Variants in NELL2 observed in about 807,000 individuals in gnomAD.
NELL2 encodes protein kinase C-binding protein NELL2.
A neutral mutation model predicts 109.6 loss-of-function variants in NELL2; 41 were observed. The ratio of observed to expected loss-of-function variants is 0.37; its 90% CI spans 0.29 to 0.49. The LOEUF (loss-of-function observed/expected upper bound fraction) is 0.49. Among genes scored for constraint, NELL2 ranks in the 20% least tolerant of loss-of-function variants. The pLI is 0.98. For synonymous variants in NELL2, 355 were observed against 344.7 expected, an observed-to-expected ratio of 1.03 and a Z score of -0.33; for missense variants, 900 against 1,008.3, an observed-to-expected ratio of 0.89 and a Z score of 1.45.
Position 44,522,185 on chromosome 12 carries a change from A to G in NELL2, c.1999-9T>C, listed in dbSNP as rs746851324. 22 of 1,610,268 alleles carry G rather than the reference A, an allele frequency of 1.4e-5. No homozygotes were observed. Among genetic ancestry groups the G allele is most frequent in the Admixed American group, 1.7e-5 (1 of 59,268 alleles). On this transcript the variant is annotated splice_polypyrimidine_tract_variant and intron_variant, in intron 17 of 19. Transcript: ENST00000429094. Reference sequence around the variant, plus strand: ...CACATAACGAATCCATTCTGTATGAAAAAGAAAAAAAGCAGTTACCAAAAA... The same window carrying G: ...CACATAACGAATCCATTCTGTATGAGAAAGAAAAAAAGCAGTTACCAAAAA...
intron 9 of NELL2, among the ~76,000 whole-genome samples, chr12:44,767,243 G>A (rs1310160894): frequency 6.6e-6 from 1 of 152,034 alleles, no homozygotes; most frequent in African/African-American, 2.4e-5. Flanking sequence ...AGAATGTTTG[G>A]GCTTCCATTG....
intron 2 of NELL2, among the ~76,000 whole-genome samples, chr12:44,871,109 A>G (rs1405202761): frequency 2.0e-5 from 3 of 151,976 alleles, no homozygotes; most frequent in Non-Finnish European, 2.9e-5. Flanking sequence ...TTGCTCACAC[A>G]CTAGTCCCTT....
rs757940415 is a variant in NELL2, at chr12:44,774,773, T to C, written c.968A>G (p.Asp323Gly). 6.2e-7 allele frequency: 1 copy of C among 1,614,042 alleles called. No homozygotes were observed. The highest frequency in any genetic ancestry group is 8.5e-7 in the Non-Finnish European group (1 of 1,179,914). ...TTTGCATTCCTTACAGCATTTGCCATCCACATACGCAAGAGCCGACTTAAG... is the reference window on the plus strand; with the variant it reads ...TTTGCATTCCTTACAGCATTTGCCACCCACATACGCAAGAGCCGACTTAAG... ...CPLKSALAYV[D>G]GKCCKECKSI... Residue 323 changes from aspartate to glycine, a missense_variant, in exon 9 of 20, where the codon GAT (aspartate) becomes GGT (glycine). Asp to Gly is a moderately conservative substitution (Grantham distance 94). Around this residue, in one of 4 missense-constraint regions of NELL2, gnomAD observed 292 missense variants for 265.3 expected, o/e 1.10. Transcript: ENST00000429094.
chr12:44,819,160 T>G (rs1334606754), intron 2 of NELL2, among the ~76,000 whole-genome samples: 1 of 152,128 alleles, frequency 6.6e-6, no homozygotes, highest in Admixed American at 6.5e-5. Flanking sequence ...TTAGTAAAAA[T>G]GTACATCACT....
upstream of NELL2, among the ~76,000 whole-genome samples, chr12:44,917,330 A>G (rs994411679): frequency 1.3e-5 from 2 of 152,254 alleles, no homozygotes; most frequent in African/African-American, 4.8e-5. Flanking sequence ...AGAGAAACCC[A>G]GCCCAACCAC....
At position 44,523,375 on chromosome 12, in the gene NELL2, C is replaced by T. The variant is rs1205118119; in HGVS notation, c.1914G>A (p.Gly638=). 1.2e-6 allele frequency: 2 copies of T among 1,614,134 alleles called. No individual in the cohort carries two copies. The highest frequency in any genetic ancestry group is 1.7e-6 in the Non-Finnish European group (2 of 1,180,008). Reference sequence around the variant, plus strand: ...TAACTTTTCCATCATGGATGCAGTCCCCTGTGCAATTCTTTCCATGAGGAC... The same window carrying T: ...TAACTTTTCCATCATGGATGCAGTCTCCTGTGCAATTCTTTCCATGAGGAC... ...CRCPHGKNCT[G]DCIHDGKVKH... Residue 638 remains glycine, a synonymous_variant, in exon 17 of 20, where the codon GGG becomes GGA. Transcript: ENST00000429094.
At chr12:44,791,933 G>A (rs1942450539) in intron 3 of NELL2, among the ~76,000 whole-genome samples, 1 of 147,626 alleles carries the variant, frequency 6.8e-6, no homozygotes. Flanking sequence ...GAAAGCATAG[G>A]GATTCCCTAG....
intron 15 of NELL2, among the ~76,000 whole-genome samples, chr12:44,564,394 A>T (rs1943579915): frequency 6.6e-6 from 1 of 152,224 alleles, no homozygotes; most frequent in African/African-American, 2.4e-5. Flanking sequence ...GAAACGGTAT[A>T]AATACTGTAA....
intron 12 of NELL2, among the ~76,000 whole-genome samples, chr12:44,669,911 G>T (rs1948078949): frequency 6.6e-6 from 1 of 152,142 alleles, no homozygotes. Context: ...AAGATTCCCA[G>T]ATAGCTGTAA....
chr12:44,581,796 T>A (rs1251838891), intron 15 of NELL2, among the ~76,000 whole-genome samples: 3 of 151,904 alleles, frequency 2.0e-5, no homozygotes, highest in African/African-American at 7.3e-5. Flanking sequence ...AATATAGAGA[T>A]CTTAAAAATA....
chr12:44,582,921 T>A (rs1211771520), intron 15 of NELL2, among the ~76,000 whole-genome samples: 1 of 152,154 alleles, frequency 6.6e-6, no homozygotes, highest in African/African-American at 2.4e-5. Flanking sequence ...TGTGCTTGTA[T>A]AAAAGAAAGT....
At position 44,526,635 on chromosome 12, in the gene NELL2, G is replaced by T. The variant is rs373237333; in HGVS notation, c.1805-3151C>A. ...GAGAATTAACACAACATAGTGATTT[G>T]TTGGCTTTGAAGATTAGAAAGAGAG... On this transcript the variant is annotated intron_variant, in intron 16 of 19. Transcript: ENST00000429094. 7.3e-4 allele frequency among the ~76,000 whole-genome samples: 111 copies of T among 152,340 alleles called. 3 individuals are homozygous for T. In the South Asian group the frequency reaches 0.022, roughly 31 times the overall value.
At chr12:44,728,783 A>C (rs910591961) in intron 9 of NELL2, among the ~76,000 whole-genome samples, 3 of 152,214 alleles carry the variant, frequency 2.0e-5, no homozygotes, top group African/African-American at 4.8e-5. Context: ...CTATCAGCAG[A>C]ATTATCAATG....
intron 15 of NELL2, among the ~76,000 whole-genome samples, chr12:44,604,045 C>T (rs6582508): frequency 2.6e-5 from 4 of 151,766 alleles, no homozygotes; most frequent in Non-Finnish European, 5.9e-5. Context: ...TTTAACTTTG[C>T]AGAGAAAAAC....
chr12:44,780,512 C>T lies in NELL2; in HGVS notation c.336-490G>A, dbSNP rs192655993. ...CTACCCTGTTCAAGCAGAAATGAGG[C>T]ATGTAACACCAGAATAGTGTCAGAG... On this transcript the variant is annotated intron_variant, in intron 3 of 19. Coordinates refer to ENST00000429094, the MANE Select transcript of NELL2 (RefSeq NM_001145108.2). Among the ~76,000 whole-genome samples the T allele has an allele frequency of 7.9e-3, 1,199 of 151,750 alleles. 8 individuals carry two copies. Among genetic ancestry groups the T allele is most frequent in the Non-Finnish European group, 0.012 (814 of 67,940 alleles).
chr12:44,797,528 A>G (rs2136644394), intron 3 of NELL2, among the ~76,000 whole-genome samples: 1 of 152,208 alleles, frequency 6.6e-6, no homozygotes, highest in East Asian at 1.9e-4. Context: ...GTGAAGGCTT[A>G]TGGCTAGTTG....
intron 8 of NELL2, 120 bp from the exon 9 acceptor site, chr12:44,774,969 A>AT: frequency 1.4e-6 from 1 of 691,708 alleles, no homozygotes; most frequent in Non-Finnish European, 2.4e-6. Context: ...CAGGCCATTC[A>AT]TTGCCAGGAG....
At chr12:44,734,129 T>C (rs1939516110) in intron 9 of NELL2, among the ~76,000 whole-genome samples, 1 of 152,058 alleles carries the variant, frequency 6.6e-6, no homozygotes, top group African/African-American at 2.4e-5. Flanking sequence ...TTGTTCCTTG[T>C]AATTCTGTCA....
chr12:44,584,124 G>A (rs962441088), intron 15 of NELL2, among the ~76,000 whole-genome samples: 1 of 152,176 alleles, frequency 6.6e-6, no homozygotes, highest in Non-Finnish European at 1.5e-5. Context: ...CATAGACTAG[G>A]TCAGGCACTC....
Sources: gnomAD v4.1 joint callset for allele counts (sites outside exome capture counted in the v4.1 genomes callset) on GRCh38, gnomAD v4.1.1 for gene constraint, gnomAD v4.1.1 regional missense constraint, MANE v1.5 for transcripts, NCBI Gene and HGNC (gene_info 2026-07-23, HGNC 2026-07-21) for gene names.